The following PCMTD1 variants were observed in gnomAD, a reference collection of about 807,000 sequenced individuals.
The protein encoded by PCMTD1 is protein-L-isoaspartate O-methyltransferase domain-containing protein 1.
A neutral mutation model predicts 37.6 loss-of-function variants in PCMTD1; 12 were observed. The ratio of observed to expected loss-of-function variants is 0.32; its 90% CI spans 0.20 to 0.52. The LOEUF is 0.52. PCMTD1 is among the 20% of genes least tolerant of loss of function. PCMTD1 has a pLI of 0.97. For synonymous variants in PCMTD1, 117 were observed against 135.8 expected, an observed-to-expected ratio of 0.86 and a Z score of 0.96; for missense variants, 235 against 421.3, an observed-to-expected ratio of 0.56 and a Z score of 3.87.
chr8:51,899,123 C>A, upstream of PCMTD1: 1 of 1,408,756 alleles, frequency 7.1e-7, no homozygotes, highest in Non-Finnish European at 9.3e-7. Context: ...CGCAGAGAAC[C>A]ACGGGCACAG....
rs1268437671 is a variant in PCMTD1 at position 51,833,662 on chromosome 8, A to G, written c.438T>C (p.Val146=). ...DKFEFCEPAF[V]VGNCLQIASD... ...AAGCTATCTGGAGGCAATTACCAAC[A>G]ACAAATGCAGGTTCACAGAACTCAA... The change falls in exon 4 of 6, where the codon GTT becomes GTC. Residue 146 remains valine (V), a synonymous_variant. Transcript: ENST00000522514. 1 of 1,610,954 alleles carries G rather than the reference A, an allele frequency of 6.2e-7. No individual in the cohort carries two copies. The highest frequency in any genetic ancestry group is 1.1e-5 in the South Asian group (1 of 90,768).
At chr8:51,877,057 C>T (rs1224552360) in intron 1 of PCMTD1, among the ~76,000 whole-genome samples, 1 of 152,082 alleles carries the variant, frequency 6.6e-6, no homozygotes, top group Non-Finnish European at 1.5e-5. Flanking sequence ...CTAACTTCAC[C>T]AACATTGGGC....
intron 3 of PCMTD1, among the ~76,000 whole-genome samples, chr8:51,842,339 A>G (rs2129279526): frequency 6.6e-6 from 1 of 152,178 alleles, no homozygotes; most frequent in Non-Finnish European, 1.5e-5. Context: ...ACATGTTTGT[A>G]TTTTATTTGG....
rs1431692355 is a variant in PCMTD1, at chr8:51,818,051, T to C, written c.*2300A>G. On this transcript the variant is annotated 3_prime_UTR_variant, in exon 6 of 6. Coordinates refer to ENST00000522514, the MANE Select transcript of PCMTD1 (RefSeq NM_052937.4). The stretch of plus-strand genomic sequence containing the variant: ...TCTTTATTTGCTACTTTTCCACCTA[T>C]AAAGCGTAATTTTCCATATCAAGTA... 2.4e-6 allele frequency: 1 copy of C among 417,630 alleles called. No individual in the cohort carries two copies. The highest frequency in any genetic ancestry group is 4.8e-6 in the Non-Finnish European group (1 of 209,454). 25.9% of individuals were successfully genotyped at this position (417,630 alleles called of 1,614,324 possible). A position where few individuals can be genotyped will look rare whatever the true frequency, so the allele number is the denominator to read the frequency against.
intron 5 of PCMTD1, 74 bp from the exon 6 acceptor site, chr8:51,820,792 G>A (rs1585777285): frequency 8.9e-6 from 12 of 1,354,294 alleles, no homozygotes; most frequent in African/African-American, 3.0e-5. Flanking sequence ...TTTTTTCATA[G>A]AACAAAATGT....
Position 51,820,357 on chromosome 8 carries a change from G to A in PCMTD1, c.1068C>T (p.Asp356=), listed in dbSNP as rs1585775933. ...TTTTTCTTCTTGATCTAAGTTATTT[G>A]TCTCTAAAATATGTCAAGTAAGCTT... is the stretch of plus-strand genomic sequence containing the variant. ...SLKAYLTYFR[D]K The change falls in exon 6 of 6, where the codon GAC becomes GAT. Residue 356 remains aspartate (D), a synonymous_variant. Transcript: ENST00000522514. 6.4e-7 allele frequency: 1 copy of A among 1,561,364 alleles called. No homozygotes were observed. Among genetic ancestry groups the A allele is most frequent in the East Asian group, 2.3e-5 (1 of 43,846 alleles).
intron 1 of PCMTD1, among the ~76,000 whole-genome samples, chr8:51,881,964 G>A (rs190803679): frequency 6.6e-6 from 1 of 152,254 alleles, no homozygotes; most frequent in Non-Finnish European, 1.5e-5. Context: ...TCTCTACCTA[G>A]AAAGTTCTCC....
intron 1 of PCMTD1, among the ~76,000 whole-genome samples, chr8:51,896,525 G>A (rs947713045): frequency 3.3e-5 from 5 of 151,936 alleles, no homozygotes; most frequent in Non-Finnish European, 7.4e-5. Context: ...TAAGCAATAC[G>A]CAGCTGTGAG....
At chr8:51,859,241 C>T (rs539485245) in intron 2 of PCMTD1, among the ~76,000 whole-genome samples, 11 of 144,174 alleles carry the variant, frequency 7.6e-5, no homozygotes, top group East Asian at 4.0e-4. Flanking sequence ...ATTCCCCCCT[C>T]TTTTTTTTTT....
chr8:51,849,070 T>C (rs1186165831), intron 2 of PCMTD1: 1 of 152,088 alleles, frequency 6.6e-6, no homozygotes, highest in African/African-American at 2.4e-5. Context: ...CTGTATTAAA[T>C]AGAACAACAG....
intron 2 of PCMTD1, among the ~76,000 whole-genome samples, chr8:51,847,938 G>A (rs957818166): frequency 2.6e-5 from 4 of 151,738 alleles, no homozygotes; most frequent in East Asian, 1.9e-4. Flanking sequence ...AAAAGTAGCC[G>A]GGCTTAGTGG....
chr8:51,866,356 CA>C (rs572581330), intron 1 of PCMTD1, among the ~76,000 whole-genome samples: 35 of 151,988 alleles, frequency 2.3e-4, no homozygotes, highest in Middle Eastern at 6.8e-3. Context: ...CTAGAGGCCT[CA>C]CATTATCTGA....
intron 3 of PCMTD1, among the ~76,000 whole-genome samples, chr8:51,837,917 C>T (rs1409803699): frequency 6.6e-6 from 1 of 151,966 alleles, no homozygotes; most frequent in African/African-American, 2.4e-5. Flanking sequence ...GTAGCTGGGA[C>T]TACAGAGGTG....
intron 5 of PCMTD1, among the ~76,000 whole-genome samples, chr8:51,823,868 C>T (rs1218870409): frequency 6.6e-6 from 1 of 152,184 alleles, no homozygotes; most frequent in Non-Finnish European, 1.5e-5. Context: ...TGCTTCATCC[C>T]TGGGATGCAA....
At chr8:51,874,056 C>T (rs1342732909) in intron 1 of PCMTD1, among the ~76,000 whole-genome samples, 4 of 151,966 alleles carry the variant, frequency 2.6e-5, no homozygotes, top group East Asian at 1.9e-4. Context: ...CGCACCACCA[C>T]GCCTGGCTAA....
At chr8:51,826,138 G>T (rs1023588978) in intron 5 of PCMTD1, among the ~76,000 whole-genome samples, 1 of 152,188 alleles carries the variant, frequency 6.6e-6, no homozygotes, top group South Asian at 2.1e-4. Flanking sequence ...TGATATGCTG[G>T]ATAAAGAAAA....
intron 2 of PCMTD1, among the ~76,000 whole-genome samples, chr8:51,848,643 T>G (rs1003170494): frequency 2.0e-5 from 3 of 151,762 alleles, no homozygotes; most frequent in Middle Eastern, 3.4e-3. Context: ...TAAAGAAAAT[T>G]TCTTAATTTT....
chr8:51,861,313 A>T, intron 1 of PCMTD1, 67 bp from the exon 2 acceptor site: 1 of 1,139,782 alleles, frequency 8.8e-7, no homozygotes, highest in Non-Finnish European at 1.2e-6. Flanking sequence ...CTTGTTTATT[A>T]AATGTATGTC....
chr8:51,892,942 G>C (rs2038955978), intron 1 of PCMTD1, among the ~76,000 whole-genome samples: 1 of 152,178 alleles, frequency 6.6e-6, no homozygotes, highest in Non-Finnish European at 1.5e-5. Flanking sequence ...TACATTTTCA[G>C]TTTATATATT....
Sources: allele counts gnomAD v4.1 joint callset (sites outside exome capture counted in the v4.1 genomes callset), GRCh38; gene constraint gnomAD v4.1.1; transcripts MANE v1.5; gene names NCBI Gene and HGNC (gene_info 2026-07-23, HGNC 2026-07-21).